Variants in HEXD observed in about 807,000 individuals in gnomAD.
HEXD encodes hexosaminidase D.
Under a neutral mutation model 54.2 loss-of-function variants are expected in HEXD, and 47 were observed. That is an observed-to-expected ratio of 0.87 (90% CI 0.69 to 1.11). The LOEUF is 1.11. Among genes scored for constraint, HEXD ranks in the 50% least tolerant of loss-of-function variants. The pLI, the probability that HEXD is intolerant of heterozygous loss-of-function variation, is 0.00. For missense variants in HEXD, 576 were observed against 649.2 expected (o/e 0.89, Z 1.23); for synonymous variants, 293 against 287.6 (o/e 1.02, Z -0.19).
intron 5 of HEXD, among the ~76,000 whole-genome samples, 153 bp downstream of exon 5, chr17:82,433,975 C>T (rs976493833): frequency 2.0e-5 from 3 of 152,138 alleles, no homozygotes; most frequent in Non-Finnish European, 2.9e-5. Context: ...AGTGGATGGG[C>T]GGCCTGGCAC....
intron 3 of HEXD, chr17:82,426,094 A>T (rs2053405317): frequency 6.6e-6 from 1 of 152,454 alleles, no homozygotes; most frequent in Admixed American, 6.5e-5. Flanking sequence ...GGGCGTCTCT[A>T]CAGCAACAGA....
At chr17:82,426,116 G>A (rs2053405936) in intron 3 of HEXD, 1 of 152,456 alleles carries the variant, frequency 6.6e-6, no homozygotes, top group African/African-American at 2.4e-5. Flanking sequence ...GTATAGTGCA[G>A]AAACCTACAG....
chr17:82,429,405 C>T (rs2053513158), intron 4 of HEXD, among the ~76,000 whole-genome samples: 1 of 152,156 alleles, frequency 6.6e-6, no homozygotes, highest in Non-Finnish European at 1.5e-5. Flanking sequence ...TTTCCACACA[C>T]CGCGGGTAAG....
chr17:82,428,702 G>A (rs1043277585), intron 4 of HEXD, 57 bp downstream of exon 4: 6 of 1,473,250 alleles, frequency 4.1e-6, no homozygotes, highest in Non-Finnish European at 4.7e-6. Context: ...GGGGCTGCAG[G>A]CTGGGCCAGG....
intron 2 of HEXD, chr17:82,420,562 C>T (rs1321569109): frequency 6.6e-6 from 1 of 152,236 alleles, no homozygotes; most frequent in African/African-American, 2.4e-5. Flanking sequence ...TGTGTCAAGC[C>T]GCCCAGTTGT....
At chr17:82,435,978 G>C in intron 6 of HEXD, 106 bp downstream of exon 6, 2 of 1,114,094 alleles carry the variant, frequency 1.8e-6, no homozygotes, top group South Asian at 1.5e-5. Flanking sequence ...GTGAGCCCCA[G>C]CCCCGCACAG....
chr17:82,421,483 G>C (rs916297387), intron 2 of HEXD, among the ~76,000 whole-genome samples: 2 of 152,184 alleles, frequency 1.3e-5, no homozygotes, highest in Non-Finnish European at 2.9e-5. Flanking sequence ...AGAGGAGGGG[G>C]CCTTGAGGCT....
At chr17:82,425,172 GAGGCTGGAGGAGGCCGGAGA>G (rs2053373002) in intron 3 of HEXD, among the ~76,000 whole-genome samples, 2 of 125,414 alleles carry the variant, frequency 1.6e-5, no homozygotes, top group Admixed American at 1.6e-4. Flanking sequence ...AAGGCTGGAG[GAGGCTGGAGGAGGCCGGAGA>G]AGGCTGGAGG....
chr17:82,436,185 C>T (rs2053757164), intron 6 of HEXD, among the ~76,000 whole-genome samples: 1 of 152,266 alleles, frequency 6.6e-6, no homozygotes, highest in Non-Finnish European at 1.5e-5. Context: ...GCTGCTCCTC[C>T]AGCCCCTGGG....
At position 82,435,448 on chromosome 17, in the gene HEXD, CTGCTT is replaced by C. The variant is rs2053732672; in HGVS notation, c.448-238_448-234del. Among the ~76,000 whole-genome samples, 6 of 152,328 alleles carry C rather than the reference CTGCTT, an allele frequency of 3.9e-5. 1 individual carries two copies. The East Asian group carries it at 1.2e-3, about 29-fold the overall frequency. ...CATGGGGGATGGACCCCTGTGGTCT[CTGCTT>C]TGTTGGCTGTGAGAAGAGCTGCTGT... On this transcript the variant is annotated intron_variant, in intron 5 of 12. Coordinates refer to ENST00000327949, the MANE Select transcript of HEXD (RefSeq NM_001330542.2).
Position 82,424,517 on chromosome 17 carries a change from T to A in HEXD, c.194+14T>A. 1 of 1,588,568 alleles carries A rather than the reference T, an allele frequency of 6.3e-7. No individual in the cohort carries two copies. Among genetic ancestry groups the A allele is most frequent in the South Asian group, 1.1e-5 (1 of 90,562 alleles). On this transcript the variant is annotated intron_variant, in intron 3 of 12. Coordinates refer to ENST00000327949, the MANE Select transcript of HEXD (RefSeq NM_001330542.2). Reference sequence around the variant, plus strand: ...GTACGCCTACAGGTAACACTGCCCGTGGCAGGTACAGGGGCGCGGCGTGAA... The same window carrying A: ...GTACGCCTACAGGTAACACTGCCCGAGGCAGGTACAGGGGCGCGGCGTGAA...
rs1255955204 is a variant in HEXD at position 82,418,557 on chromosome 17, G to T, written c.-235G>T. On this transcript the variant is annotated 5_prime_UTR_variant, in exon 1 of 13. Coordinates refer to ENST00000327949, the MANE Select transcript of HEXD (RefSeq NM_001330542.2). ...GGGGACGAACGCCGTAACAGGGAGC[G>T]CGAGGCAGGCACGGCGCAGGGACGC... is the stretch of plus-strand genomic sequence containing the variant. 1.2e-6 allele frequency: 1 copy of T among 837,882 alleles called. No homozygotes were observed. The highest frequency in any genetic ancestry group is 1.6e-6 in the Non-Finnish European group (1 of 619,550). 51.9% of individuals were successfully genotyped at this position (837,882 alleles called of 1,614,324 possible).
chr17:82,437,956 G>A (rs2053819981), intron 8 of HEXD, among the ~76,000 whole-genome samples: 1 of 152,194 alleles, frequency 6.6e-6, no homozygotes, highest in African/African-American at 2.4e-5. Context: ...TACTCTAGGG[G>A]CTGAGTGCGG....
chr17:82,423,417 T>G (rs997571059), intron 2 of HEXD: 3 of 152,298 alleles, frequency 2.0e-5, no homozygotes, highest in African/African-American at 7.2e-5. Context: ...CTTGGAAGGC[T>G]GAGGCTGGAG....
intron 4 of HEXD, among the ~76,000 whole-genome samples, chr17:82,431,633 C>T (rs530276949): frequency 2.8e-4 from 42 of 152,110 alleles, no homozygotes; most frequent in South Asian, 8.3e-4. Context: ...AAACTGATCT[C>T]GTCGAACTCC....
intron 3 of HEXD, 55 bp downstream of exon 3, chr17:82,424,558 G>C (rs916558725): frequency 6.2e-6 from 8 of 1,289,150 alleles, no homozygotes; most frequent in African/African-American, 1.5e-5. Context: ...GGAAGGGGGG[G>C]TTCCGCAGGG....
intron 1 of HEXD, 145 bp from the exon 2 acceptor site, chr17:82,419,604 G>A: frequency 2.0e-6 from 1 of 488,852 alleles, no homozygotes; most frequent in Non-Finnish European, 3.7e-6. Context: ...TAGACTTCCA[G>A]TTCATTTTCA....
At chr17:82,437,530 G>A (rs898618458) in intron 8 of HEXD, among the ~76,000 whole-genome samples, 167 bp downstream of exon 8, 4 of 152,332 alleles carry the variant, frequency 2.6e-5, no homozygotes, top group Admixed American at 1.3e-4. Flanking sequence ...GGCCCTGCAC[G>A]CCAGAGCGGC....
chr17:82,428,430 T>G, intron 3 of HEXD, 128 bp from the exon 4 acceptor site: 1 of 687,984 alleles, frequency 1.5e-6, no homozygotes, highest in South Asian at 1.9e-5. Flanking sequence ...TGTCAAGCTT[T>G]GTGGAGTTTA....
Sources: allele counts gnomAD v4.1 joint callset (sites outside exome capture counted in the v4.1 genomes callset), GRCh38; gene constraint gnomAD v4.1.1; transcripts MANE v1.5; gene names NCBI Gene and HGNC (gene_info 2026-07-23, HGNC 2026-07-21).